The following BCAS3 variants were observed in gnomAD, a reference collection of about 807,000 sequenced individuals.
BCAS3 encodes BCAS3 microtubule associated cell migration factor, also known as BCAS4/BCAS3 fusion.
A neutral mutation model predicts 116.1 loss-of-function variants in BCAS3; 53 were observed. The ratio of observed to expected loss-of-function variants is 0.46; its 90% CI spans 0.37 to 0.57. The LOEUF (loss-of-function observed/expected upper bound fraction) is 0.57. BCAS3 is among the 20% of genes least tolerant of loss of function. The pLI, the probability that BCAS3 is intolerant of heterozygous loss-of-function variation, is 0.00. For synonymous variants in BCAS3, 391 were observed against 408.2 expected (o/e 0.96, Z 0.51); for missense variants, 917 against 1,165.4 (o/e 0.79, Z 3.10).
intron 7 of BCAS3, chr17:60,811,030 G>T: frequency 4.6e-6 from 3 of 656,230 alleles, no homozygotes; most frequent in Non-Finnish European, 8.5e-6. Context: ...GTCTGCCGAG[G>T]TTGGAGCTGC....
At chr17:61,176,071 G>A (rs1004217971) in intron 22 of BCAS3, among the ~76,000 whole-genome samples, 4 of 144,346 alleles carry the variant, frequency 2.8e-5, no homozygotes, top group African/African-American at 7.8e-5. Flanking sequence ...CCTAGGAGGG[G>A]AAGGCTGCAG....
At chr17:60,947,121 C>T (rs531578222) in intron 13 of BCAS3, 98 bp from the exon 14 acceptor site, 309 of 1,193,904 alleles carry the variant, frequency 2.6e-4, no homozygotes, top group South Asian at 2.1e-3. Flanking sequence ...AATTTTTTTC[C>T]CATTGGTAAT....
chr17:60,851,818 T>C, intron 7 of BCAS3: 2 of 1,318,262 alleles, frequency 1.5e-6, no homozygotes, highest in South Asian at 2.4e-5. Flanking sequence ...TTTTATCAAC[T>C]ATTTTGTAAA....
intron 9 of BCAS3, 101 bp from the exon 10 acceptor site, chr17:60,889,594 T>A: frequency 1.1e-6 from 1 of 950,350 alleles, no homozygotes; most frequent in East Asian, 2.4e-5. Flanking sequence ...CTTGAAAAAA[T>A]ATAAGCATTT....
Position 61,251,219 on chromosome 17 carries a change from T to C in BCAS3, c.2426-117108T>C, listed in dbSNP as rs1253722389. On this transcript the variant is annotated intron_variant, in intron 22 of 23. Coordinates refer to ENST00000407086, the MANE Select transcript of BCAS3 (RefSeq NM_017679.5). The surrounding 1 kb of genome is among the most constrained non-coding windows in gnomAD (Gnocchi z 4.7). The stretch of plus-strand genomic sequence containing the variant: ...AGTATTTGTCAGGCTGATGATAAGC[T>C]GGTGGAGAGTCTGTTAACTCAAGGC... Among the ~76,000 whole-genome samples the C allele has an allele frequency of 6.6e-6, 1 of 152,174 alleles. No individual in the cohort carries two copies. Among genetic ancestry groups the C allele is most frequent in the East Asian group, 1.9e-4 (1 of 5,194 alleles).
At chr17:60,803,011 T>C (rs1225078603) in intron 6 of BCAS3, among the ~76,000 whole-genome samples, 1 of 152,214 alleles carries the variant, frequency 6.6e-6, no homozygotes, top group Non-Finnish European at 1.5e-5. Flanking sequence ...GTCTTTCCTC[T>C]TGGACTTGTT....
intron 14 of BCAS3, among the ~76,000 whole-genome samples, chr17:60,979,920 G>A (rs1327056355): frequency 1.3e-5 from 2 of 151,852 alleles, no homozygotes; most frequent in East Asian, 1.9e-4. Context: ...GAGGATTTTT[G>A]CATCAATGTT....
chr17:61,046,060 TA>T (rs2068259592), intron 19 of BCAS3, among the ~76,000 whole-genome samples: 1 of 22,998 alleles, frequency 4.3e-5, no homozygotes, highest in South Asian at 1.2e-3. Context: ...ATATATATTA[TA>T]TATATATAAT....
chr17:60,990,460 T>C lies in BCAS3; in HGVS notation c.1486+225T>C, dbSNP rs2063451878. On this transcript the variant is annotated intron_variant, in intron 15 of 23. Coordinates refer to ENST00000407086, the MANE Select transcript of BCAS3 (RefSeq NM_017679.5). The surrounding 1 kb of genome is among the most constrained non-coding windows in gnomAD (Gnocchi z 5.1). ...ACTCCCTGTTTCAATATATAAGGGATATTTGGTATCATATTTATGGAATAT... is the reference window on the plus strand; with the variant it reads ...ACTCCCTGTTTCAATATATAAGGGACATTTGGTATCATATTTATGGAATAT... Among the ~76,000 whole-genome samples the C allele has an allele frequency of 6.6e-6, 1 of 152,212 alleles. No individual in the cohort carries two copies. Among genetic ancestry groups the C allele is most frequent in the Non-Finnish European group, 1.5e-5 (1 of 68,040 alleles).
At chr17:60,948,539 G>C (rs2060651999) in intron 14 of BCAS3, among the ~76,000 whole-genome samples, 1 of 152,054 alleles carries the variant, frequency 6.6e-6, no homozygotes, top group African/African-American at 2.4e-5. Flanking sequence ...ATATAACACT[G>C]TATATATGTT....
intron 7 of BCAS3, among the ~76,000 whole-genome samples, chr17:60,817,943 G>A (rs186822366): frequency 4.5e-4 from 68 of 150,062 alleles, no homozygotes; most frequent in African/African-American, 1.5e-3. Flanking sequence ...CAACCTCCAC[G>A]TCCTGGGTTC....
chr17:61,277,048 A>G (rs2050815064), intron 22 of BCAS3, among the ~76,000 whole-genome samples: 1 of 152,022 alleles, frequency 6.6e-6, no homozygotes, highest in Admixed American at 6.6e-5. Context: ...GGATCACTTG[A>G]GGCCAGGAGT....
Position 60,868,631 on chromosome 17 carries a change from G to A in BCAS3, c.532G>A (p.Val178Ile), listed in dbSNP as rs1359154154. The change falls in exon 8 of 24, where the codon GTC (valine) becomes ATC (isoleucine). Residue 178 changes from valine to isoleucine, a missense_variant. Transcript: ENST00000407086. ...GTATTCACTTCGTACTGGGGAGATG[G>A]TCAAGTCCATTCAATTTAAGACACC... ...DLYSLRTGEM[V>I]KSIQFKTPIY... The A allele has an allele frequency of 6.2e-7, 1 of 1,605,504 alleles. No homozygotes were observed. The highest frequency in any genetic ancestry group is 8.5e-7 in the Non-Finnish European group (1 of 1,176,910).
chr17:60,838,698 G>T (rs9911155), intron 7 of BCAS3, among the ~76,000 whole-genome samples: 28,581 of 152,078 alleles, frequency 0.19, 3,266 homozygotes, highest in African/African-American at 0.32. Context: ...AATAGCAGTG[G>T]GGCAGGATTT....
rs2058630021 is a variant in BCAS3 at position 61,364,563 on chromosome 17, C to G, written c.2426-3764C>G. Among the ~76,000 whole-genome samples the G allele has an allele frequency of 6.6e-6, 1 of 152,108 alleles. No individual in the cohort carries two copies. Among genetic ancestry groups the G allele is most frequent in the Non-Finnish European group, 1.5e-5 (1 of 68,012 alleles). The stretch of plus-strand genomic sequence containing the variant: ...AAACCCCATCTTGACAAAAAATTAG[C>G]TGGGCATGGTGGTGCACACCTGTAG... On this transcript the variant is annotated intron_variant, in intron 22 of 23. Coordinates refer to ENST00000407086, the MANE Select transcript of BCAS3 (RefSeq NM_017679.5). This position sits in a 1 kb window ranked among gnomAD's most constrained non-coding sequence, Gnocchi z 5.4.
In BCAS3 at chr17:61,041,070, G is replaced by T. The variant is rs1398585164; in HGVS notation, c.2029+178G>T. Among the ~76,000 whole-genome samples the T allele has an allele frequency of 2.6e-5, 4 of 152,112 alleles. No individual in the cohort carries two copies. The highest frequency in any genetic ancestry group is 9.7e-5 in the African/African-American group (4 of 41,442). On this transcript the variant is annotated intron_variant, in intron 19 of 23. Transcript: ENST00000407086. The surrounding 1 kb of genome is among the most constrained non-coding windows in gnomAD (Gnocchi z 4.7). ...AACTGTAAGCCTTAGTATACATTAT[G>T]TCTCTGACTGCTTATATTCTTTACC...
chr17:61,129,025 G>T (rs990169399), intron 22 of BCAS3, among the ~76,000 whole-genome samples: 1 of 152,216 alleles, frequency 6.6e-6, no homozygotes, highest in East Asian at 1.9e-4. Flanking sequence ...AAACGCTCAC[G>T]CAAGGGCAGA....
At chr17:61,318,764 G>A (rs1192401115) in intron 22 of BCAS3, among the ~76,000 whole-genome samples, 1 of 152,192 alleles carries the variant, frequency 6.6e-6, no homozygotes, top group African/African-American at 2.4e-5. Flanking sequence ...TCCAGCTGGC[G>A]TGTCTTTGAA....
intron 7 of BCAS3, among the ~76,000 whole-genome samples, chr17:60,838,385 G>A (rs1240206454): frequency 1.3e-5 from 2 of 151,942 alleles, no homozygotes; most frequent in Non-Finnish European, 1.5e-5. Context: ...TGAATTTCAG[G>A]AGCTTTAATA....
Sources: gnomAD v4.1 joint callset for allele counts (sites outside exome capture counted in the v4.1 genomes callset) on GRCh38, gnomAD v4.1.1 for gene constraint, Gnocchi (gnomAD v3.1) non-coding constraint, MANE v1.5 for transcripts, NCBI Gene and HGNC (gene_info 2026-07-23, HGNC 2026-07-21) for gene names.